Variants in CPNE8 observed in about 807,000 individuals in gnomAD.
CPNE8 encodes copine 8, also known as copine-8.
A neutral mutation model predicts 81.5 loss-of-function variants in CPNE8; 45 were observed. The observed-to-expected ratio is 0.55, with a 90% CI of 0.44 to 0.71. CPNE8 has a LOEUF of 0.71. Ranked by LOEUF, CPNE8 falls within the 30% of genes least tolerant of loss-of-function variation. The pLI is 0.00. For missense variants in CPNE8, 594 were observed against 672.1 expected (o/e 0.88, Z 1.28); for synonymous variants, 252 against 226.3 (o/e 1.11, Z -1.02).
chr12:38,807,190 A>G (rs996913243), intron 6 of CPNE8, among the ~76,000 whole-genome samples: 5 of 151,408 alleles, frequency 3.3e-5, no homozygotes, highest in Non-Finnish European at 5.9e-5. Context: ...GGTCATTTAT[A>G]GATTCAATGC....
At chr12:38,743,202 A>G (rs994492745) in intron 10 of CPNE8, among the ~76,000 whole-genome samples, 1 of 151,870 alleles carries the variant, frequency 6.6e-6, no homozygotes, top group Non-Finnish European at 1.5e-5. Flanking sequence ...GCATTTACTG[A>G]GTATTTCCTC....
chr12:38,691,000 T>C (rs1282990427), intron 15 of CPNE8, among the ~76,000 whole-genome samples: 2 of 151,992 alleles, frequency 1.3e-5, no homozygotes, highest in Non-Finnish European at 2.9e-5. Flanking sequence ...TCTCTAGAAA[T>C]TGTGTGGGTG....
At chr12:38,861,672 ATATAT>A (rs1369655302) in intron 3 of CPNE8, among the ~76,000 whole-genome samples, 2 of 152,154 alleles carry the variant, frequency 1.3e-5, no homozygotes, top group African/African-American at 2.4e-5. Flanking sequence ...AAATGGAATA[ATATAT>A]TAAATATACA....
chr12:38,818,545 C>T lies in CPNE8; in HGVS notation c.407+10834G>A, dbSNP rs1369795646. On this transcript the variant is annotated intron_variant, in intron 6 of 19. Coordinates refer to ENST00000331366, the MANE Select transcript of CPNE8 (RefSeq NM_153634.3). ...ACCAGTCTATCATTGATGGGCATTT[C>T]GGTTGGTTCCAGGTCTTGGCTATTG... Among the ~76,000 whole-genome samples, 3 of 152,084 alleles carry T rather than the reference C, an allele frequency of 2.0e-5. No individual in the cohort carries two copies. The East Asian group carries it at 5.8e-4, about 29-fold the overall frequency.
intron 1 of CPNE8, 80 bp downstream of exon 1, chr12:38,905,357 G>C (rs1012479379): frequency 2.0e-6 from 3 of 1,479,262 alleles, no homozygotes; most frequent in African/African-American, 2.8e-5. Flanking sequence ...GCAAAGCCTC[G>C]TGGTACCCCG....
At chr12:38,887,292 G>A (rs1223110804) in intron 1 of CPNE8, among the ~76,000 whole-genome samples, 2 of 152,104 alleles carry the variant, frequency 1.3e-5, no homozygotes, top group African/African-American at 4.8e-5. Context: ...CAGGCAGGGG[G>A]TACTAGGCCT....
chr12:38,788,057 T>C (rs555150846), intron 6 of CPNE8, among the ~76,000 whole-genome samples: 1 of 150,336 alleles, frequency 6.7e-6, no homozygotes, highest in South Asian at 2.1e-4. Flanking sequence ...AATACCAATC[T>C]TATTCGAAAT....
intron 6 of CPNE8, among the ~76,000 whole-genome samples, chr12:38,821,013 A>G (rs1420936536): frequency 6.6e-6 from 1 of 152,170 alleles, no homozygotes; most frequent in Non-Finnish European, 1.5e-5. Context: ...ATTTTTCCTC[A>G]TCTTCCTAAC....
intron 1 of CPNE8, among the ~76,000 whole-genome samples, chr12:38,888,489 T>C (rs971461244): frequency 6.6e-6 from 1 of 152,208 alleles, no homozygotes; most frequent in African/African-American, 2.4e-5. Context: ...AATTCAGAAG[T>C]ACCTAGGAGT....
chr12:38,854,616 T>C (rs77920776), intron 3 of CPNE8, among the ~76,000 whole-genome samples: 4,104 of 151,978 alleles, frequency 0.027, 172 homozygotes, highest in African/African-American at 0.091. Context: ...TGGTTCAACA[T>C]ACACAACTCC....
chr12:38,819,673 A>G (rs897370900), intron 6 of CPNE8, among the ~76,000 whole-genome samples: 1 of 148,728 alleles, frequency 6.7e-6, no homozygotes, highest in Non-Finnish European at 1.5e-5. Flanking sequence ...AGGCTGACGC[A>G]GGAGAATGGT....
intron 3 of CPNE8, among the ~76,000 whole-genome samples, chr12:38,872,211 T>A (rs1413190942): frequency 2.0e-5 from 3 of 152,168 alleles, no homozygotes; most frequent in Admixed American, 6.5e-5. Context: ...CAGCTCATTA[T>A]CAGTAGAAAC....
At chr12:38,745,092 T>A (rs1941197953) in intron 10 of CPNE8, among the ~76,000 whole-genome samples, 1 of 152,224 alleles carries the variant, frequency 6.6e-6, no homozygotes, top group Non-Finnish European at 1.5e-5. Context: ...TACTATCCAG[T>A]CTGTCATTAC....
intron 6 of CPNE8, among the ~76,000 whole-genome samples, chr12:38,801,056 G>C (rs1942651249): frequency 6.7e-6 from 1 of 148,310 alleles, no homozygotes; most frequent in Admixed American, 6.8e-5. Flanking sequence ...GTGATGGGGA[G>C]AATGGAACCA....
chr12:38,679,662 T>G, intron 16 of CPNE8: 1 of 985,078 alleles, frequency 1.0e-6, no homozygotes, highest in Non-Finnish European at 1.2e-6. Flanking sequence ...CAGTTGTTGC[T>G]TCTTTGGCAC....
intron 14 of CPNE8, among the ~76,000 whole-genome samples, chr12:38,696,297 C>T (rs891094752): frequency 1.3e-5 from 2 of 151,658 alleles, no homozygotes; most frequent in East Asian, 1.9e-4. Context: ...CTCACACATA[C>T]TAGACAACCC....
At chr12:38,662,548 A>G (rs1406682179) in intron 19 of CPNE8, among the ~76,000 whole-genome samples, 1 of 152,202 alleles carries the variant, frequency 6.6e-6, no homozygotes, top group African/African-American at 2.4e-5. Context: ...TAATATTGTT[A>G]AAATGACCAT....
intron 1 of CPNE8, among the ~76,000 whole-genome samples, chr12:38,904,069 T>C (rs1944527769): frequency 6.6e-6 from 1 of 152,200 alleles, no homozygotes; most frequent in South Asian, 2.1e-4. Flanking sequence ...GGCTTTAGGC[T>C]CAGTTTGTGA....
At chr12:38,706,209 T>C (rs971107729) in intron 13 of CPNE8, among the ~76,000 whole-genome samples, 9 of 152,136 alleles carry the variant, frequency 5.9e-5, no homozygotes, top group African/African-American at 2.2e-4. Context: ...ATTAATATTA[T>C]GCCATAATCC....
Sources: allele counts gnomAD v4.1 joint callset (sites outside exome capture counted in the v4.1 genomes callset), GRCh38; gene constraint gnomAD v4.1.1; transcripts MANE v1.5; gene names NCBI Gene and HGNC (gene_info 2026-07-23, HGNC 2026-07-21).